Variants in KIDINS220 observed in about 807,000 individuals in gnomAD.
KIDINS220 encodes the protein kinase D interacting substrate 220, also known as kinase D-interacting substrate of 220 kDa.
A neutral mutation model predicts 157.6 loss-of-function variants in KIDINS220; 63 were observed. The observed-to-expected ratio is 0.40, with a 90% CI of 0.33 to 0.49. The LOEUF (loss-of-function observed/expected upper bound fraction) is 0.49. KIDINS220 is among the 20% of genes least tolerant of loss of function. The pLI, the probability that KIDINS220 is intolerant of heterozygous loss-of-function variation, is 0.66. For missense variants in KIDINS220, 1,772 were observed against 2,171.2 expected (o/e 0.82, Z 3.65); for synonymous variants, 732 against 783.6 (o/e 0.93, Z 1.10).
chr2:8,769,741 C>A (rs938879749), intron 22 of KIDINS220, among the ~76,000 whole-genome samples: 1 of 152,010 alleles, frequency 6.6e-6, no homozygotes, highest in African/African-American at 2.4e-5. Flanking sequence ...TACTACAGAA[C>A]CAAGAGAAAA....
intron 21 of KIDINS220, among the ~76,000 whole-genome samples, chr2:8,771,264 T>C (rs916341296): frequency 3.9e-5 from 6 of 152,244 alleles, no homozygotes; most frequent in African/African-American, 1.4e-4. Context: ...CAGTCCATTC[T>C]CGTTGTAGTA....
chr2:8,739,656 C>G (rs1438819427), intron 26 of KIDINS220, among the ~76,000 whole-genome samples: 1 of 152,162 alleles, frequency 6.6e-6, no homozygotes, highest in Non-Finnish European at 1.5e-5. Context: ...TGAGAATACA[C>G]AGACTAGTTC....
intron 26 of KIDINS220, among the ~76,000 whole-genome samples, chr2:8,744,381 AAAAAAAAATATAT>A (rs1666144000): frequency 2.7e-5 from 1 of 36,488 alleles, no homozygotes; most frequent in Non-Finnish European, 4.0e-5. Flanking sequence ...AAAAAAAAAA[AAAAAAAAATATAT>A]ATATATAATA....
chr2:8,768,248 A>G (rs1669728020), intron 22 of KIDINS220, among the ~76,000 whole-genome samples: 1 of 140,194 alleles, frequency 7.1e-6, no homozygotes, highest in Non-Finnish European at 1.5e-5. Context: ...ATGTATGTTA[A>G]AAAAAAAAAA....
At chr2:8,826,469 G>T (rs1344601224) in intron 2 of KIDINS220, among the ~76,000 whole-genome samples, 3 of 152,056 alleles carry the variant, frequency 2.0e-5, no homozygotes, top group African/African-American at 7.2e-5. Context: ...TTAGCCGAGC[G>T]TGGTGGCACA....
intron 5 of KIDINS220, 40 bp from the exon 6 acceptor site, chr2:8,812,533 G>T: frequency 8.6e-7 from 1 of 1,165,846 alleles, no homozygotes; most frequent in South Asian, 1.7e-5. Flanking sequence ...TAGATAAGTA[G>T]GAAGGAAGGA....
At chr2:8,736,286 T>C (rs951695080) in intron 27 of KIDINS220, among the ~76,000 whole-genome samples, 1 of 152,188 alleles carries the variant, frequency 6.6e-6, no homozygotes, top group African/African-American at 2.4e-5. Context: ...ATCTCAGGCA[T>C]CTCTAGCCAA....
chr2:8,837,609 G>T lies in KIDINS220; in HGVS notation c.-166C>A, dbSNP rs1405692921. ...GGCGGCCATATTCTTCCCTCTCCGCGAACTGACAGATCACGTGCCCTGGGT... is the reference window on the plus strand; with the variant it reads ...GGCGGCCATATTCTTCCCTCTCCGCTAACTGACAGATCACGTGCCCTGGGT... On this transcript the variant is annotated 5_prime_UTR_variant, in exon 1 of 30. Transcript: ENST00000256707. 6.6e-6 allele frequency: 1 copy of T among 151,422 alleles called. No homozygotes were observed. The highest frequency in any genetic ancestry group is 2.1e-4 in the South Asian group (1 of 4,802). The allele number at this position is 151,422 out of a possible 1,614,324, so 9.4% of individuals were successfully genotyped here.
intron 26 of KIDINS220, among the ~76,000 whole-genome samples, chr2:8,743,428 G>GA (rs1202805413): frequency 2.0e-5 from 3 of 152,150 alleles, no homozygotes; most frequent in Admixed American, 6.6e-5. Flanking sequence ...TAATAATAAT[G>GA]AAGTACTTAA....
chr2:8,819,685 C>T (rs986597828), intron 2 of KIDINS220, among the ~76,000 whole-genome samples: 3 of 151,980 alleles, frequency 2.0e-5, no homozygotes, highest in African/African-American at 4.8e-5. Flanking sequence ...ATTAGCCAGA[C>T]GTGGTAGCAC....
intron 19 of KIDINS220, 23 bp from the exon 20 acceptor site, chr2:8,778,750 C>G (rs766815192): frequency 6.3e-7 from 1 of 1,598,090 alleles, no homozygotes; most frequent in Non-Finnish European, 8.6e-7. Context: ...ATCAAGACAG[C>G]ATCACTTACA....
Position 8,744,381 on chromosome 2 carries a change from AAAAAAAAATATATATATATAATATAT to A in KIDINS220, c.3585+2738_3585+2763del, listed in dbSNP as rs1159336031. Among the ~76,000 whole-genome samples, 225 of 36,448 alleles carry A rather than the reference AAAAAAAAATATATATATATAATATAT, an allele frequency of 6.2e-3. 10 individuals carry two copies. Among genetic ancestry groups the A allele is most frequent in the Middle Eastern group, 0.031 (1 of 32 alleles). 23.9% of individuals were successfully genotyped at this position (36,448 alleles called of 152,430 possible). Reference sequence around the variant, plus strand: ...CTCATGGCAAAAAAAAAAAAAAAAAAAAAAAAAATATATATATATAATATATATATATATATATATATATATATATA... The same window carrying A: ...CTCATGGCAAAAAAAAAAAAAAAAAAATATATATATATATATATATATATA... On this transcript the variant is annotated intron_variant, in intron 26 of 29. Transcript: ENST00000256707.
At chr2:8,743,877 G>A (rs1347013652) in intron 26 of KIDINS220, among the ~76,000 whole-genome samples, 1 of 152,018 alleles carries the variant, frequency 6.6e-6, no homozygotes, top group Admixed American at 6.6e-5. Flanking sequence ...GAAAAACACT[G>A]TTCCTTTCTA....
chr2:8,830,191 T>G (rs1315447393), intron 1 of KIDINS220, among the ~76,000 whole-genome samples: 1 of 152,136 alleles, frequency 6.6e-6, no homozygotes, highest in Non-Finnish European at 1.5e-5. Context: ...TCAAGACCCC[T>G]AAGGTTGCAA....
chr2:8,817,863 C>A (rs1558484229), intron 3 of KIDINS220, 147 bp from the exon 4 acceptor site: 1 of 476,084 alleles, frequency 2.1e-6, no homozygotes, highest in African/African-American at 2.0e-5. Context: ...TAAAGTCATA[C>A]TGAAGCTCTC....
At position 8,800,715 on chromosome 2, in the gene KIDINS220, G is replaced by A. The variant is rs750096946; in HGVS notation, c.802-217C>T. 3.9e-4 allele frequency among the ~76,000 whole-genome samples: 60 copies of A among 152,062 alleles called. 1 individual carries two copies. The highest frequency in any genetic ancestry group is 8.4e-4 in the African/African-American group (35 of 41,472). On this transcript the variant is annotated intron_variant, in intron 8 of 29. Coordinates refer to ENST00000256707, the MANE Select transcript of KIDINS220 (RefSeq NM_020738.4). ...CAGAGGACTTTATGCCCCAAAATGA[G>A]GACTCTGAAATTCCTAAACAAAGTT...
chr2:8,749,668 T>A (rs1423999638), intron 24 of KIDINS220, among the ~76,000 whole-genome samples: 2 of 152,234 alleles, frequency 1.3e-5, no homozygotes, highest in African/African-American at 4.8e-5. Context: ...TTTCCCATTA[T>A]TATCTCACAT....
intron 6 of KIDINS220, 74 bp from the exon 7 acceptor site, chr2:8,806,443 T>C (rs1368959633): frequency 1.1e-6 from 1 of 876,396 alleles, no homozygotes; most frequent in Non-Finnish European, 1.7e-6. Flanking sequence ...AACATGAATT[T>C]TAATAAAAAT....
At chr2:8,823,142 T>G (rs1228850592) in intron 2 of KIDINS220, among the ~76,000 whole-genome samples, 2 of 152,016 alleles carry the variant, frequency 1.3e-5, no homozygotes, top group Non-Finnish European at 2.9e-5. Context: ...GCTAATATTT[T>G]TTAGAAGTAG....
Sources: allele counts gnomAD v4.1 joint callset (sites outside exome capture counted in the v4.1 genomes callset), GRCh38; gene constraint gnomAD v4.1.1; transcripts MANE v1.5; gene names NCBI Gene and HGNC (gene_info 2026-07-23, HGNC 2026-07-21).